Variants in ZGPAT observed in about 807,000 individuals in gnomAD.
The protein encoded by ZGPAT is zinc finger CCCH-type with G patch domain-containing protein.
Under a neutral mutation model 47.9 loss-of-function variants are expected in ZGPAT, and 39 were observed. That is an observed-to-expected ratio of 0.81 (90% confidence interval 0.63 to 1.06). ZGPAT has a LOEUF of 1.06. ZGPAT is among the 50% of genes least tolerant of loss of function. The pLI is 0.00. For synonymous variants in ZGPAT, 348 were observed against 292.9 expected (o/e 1.19, Z -1.92); for missense variants, 717 against 681.4 (o/e 1.05, Z -0.58).
chr20:63,716,082 T>C (rs1055963178), intron 2 of ZGPAT, among the ~76,000 whole-genome samples: 2 of 152,222 alleles, frequency 1.3e-5, no homozygotes, highest in African/African-American at 4.8e-5. Context: ...CAGGCTGGAG[T>C]GCAGTGGTGC....
rs749898178 is a variant in ZGPAT at position 63,709,102 on chromosome 20, C to G, written c.522C>G (p.His174Gln). 12 of 1,613,142 alleles carry G rather than the reference C, an allele frequency of 7.4e-6. No individual in the cohort carries two copies. The South Asian group carries it at 7.7e-5, about 10-fold the overall frequency. The change falls in exon 2 of 7, where the codon CAC becomes CAG. Residue 174 changes from histidine (H) to glutamine (Q), a missense_variant. By Grantham distance (24) the His-to-Gln change is conservative. Coordinates refer to ENST00000355969, the MANE Select transcript of ZGPAT (RefSeq NM_181485.3). ...GVRVLYLYPT[H>Q]KSLKPCPFFL... ...GTGTGCTTTACCTGTACCCCACTCA[C>G]AAGTCTCTGAAGCCGTGCCCGTTCT...
chr20:63,731,284 ATGTG>A (rs1232489677), intron 2 of ZGPAT, among the ~76,000 whole-genome samples: 1 of 145,106 alleles, frequency 6.9e-6, no homozygotes, highest in Non-Finnish European at 1.5e-5. Flanking sequence ...TGTGTGTGTG[ATGTG>A]TGTGAGACTG....
Position 63,734,839 on chromosome 20 carries a change from C to T in ZGPAT, c.991+15C>T. 1.3e-6 allele frequency: 2 copies of T among 1,564,460 alleles called. No individual in the cohort carries two copies. Among genetic ancestry groups the T allele is most frequent in the Non-Finnish European group, 1.7e-6 (2 of 1,153,422 alleles). The stretch of plus-strand genomic sequence containing the variant: ...GTTTGGCAAGGGTGAGTACAAGCTG[C>T]CCTGGAGAAGTGGGCAGGCTGCTGC... On this transcript the variant is annotated intron_variant, in intron 5 of 6. Transcript: ENST00000355969.
intron 2 of ZGPAT, among the ~76,000 whole-genome samples, chr20:63,732,892 A>G (rs1458156535): frequency 6.6e-6 from 1 of 150,822 alleles, no homozygotes; most frequent in African/African-American, 2.4e-5. Flanking sequence ...GTGTATGTGT[A>G]CGTGTGTATA....
rs375206481 is a variant in ZGPAT at position 63,735,569 on chromosome 20, G to A, written c.1397+5G>A. ...TCTCGCCCGCAACGCTGGCCGGTAC[G>A]TGTGGGGCCCAGCTCAGGGCAAAGG... On this transcript the variant is annotated splice_donor_5th_base_variant and intron_variant, in intron 6 of 6. Transcript: ENST00000355969. 21 of 1,513,744 alleles carry A rather than the reference G, an allele frequency of 1.4e-5. No individual in the cohort carries two copies. The highest frequency in any genetic ancestry group is 5.6e-5 in the African/African-American group (4 of 71,720). The allele number at this position is 1,513,744 out of a possible 1,614,324, so 93.8% of individuals were successfully genotyped here.
intron 4 of ZGPAT, 26 bp downstream of exon 4, chr20:63,733,765 G>A: frequency 6.3e-7 from 1 of 1,588,770 alleles, no homozygotes; most frequent in Non-Finnish European, 8.6e-7. Context: ...CGGAGCCCAG[G>A]AGCCAGGAAG....
intron 2 of ZGPAT, among the ~76,000 whole-genome samples, 176 bp from the exon 3 acceptor site, chr20:63,733,043 T>C (rs1249366593): frequency 6.6e-6 from 1 of 151,670 alleles, no homozygotes; most frequent in Admixed American, 6.6e-5. Flanking sequence ...TGCATGTGTG[T>C]GTGTATGTGT....
chr20:63,733,460 C>A, intron 3 of ZGPAT, 108 bp downstream of exon 3: 1 of 1,595,976 alleles, frequency 6.3e-7, no homozygotes, highest in Non-Finnish European at 8.6e-7. Flanking sequence ...GGGACTCTGG[C>A]TCTGGGCCCG....
intron 2 of ZGPAT, among the ~76,000 whole-genome samples, chr20:63,732,032 G>A (rs1303947803): frequency 2.6e-5 from 4 of 152,198 alleles, no homozygotes; most frequent in Admixed American, 6.5e-5. Context: ...AAGAGACTAC[G>A]TGTGTATGCA....
At chr20:63,732,773 TGC>T (rs371414913) in intron 2 of ZGPAT, among the ~76,000 whole-genome samples, 1,827 of 151,416 alleles carry the variant, frequency 0.012, 35 homozygotes, top group African/African-American at 0.042. Context: ...CGTATGTATA[TGC>T]GTGTGTGTAT....
intron 2 of ZGPAT, among the ~76,000 whole-genome samples, chr20:63,712,120 G>C (rs1439422646): frequency 6.6e-6 from 1 of 152,168 alleles, no homozygotes; most frequent in Non-Finnish European, 1.5e-5. Flanking sequence ...TTTCTTCTAA[G>C]AGTTCTGTAG....
At chr20:63,718,849 G>A (rs1383377466) in intron 2 of ZGPAT, among the ~76,000 whole-genome samples, 3 of 151,922 alleles carry the variant, frequency 2.0e-5, no homozygotes, top group Admixed American at 6.6e-5. Context: ...GGCAGATCAC[G>A]AGGTCAGGAG....
chr20:63,715,953 G>T (rs983375238), intron 2 of ZGPAT, among the ~76,000 whole-genome samples: 20 of 152,204 alleles, frequency 1.3e-4, no homozygotes, highest in African/African-American at 4.3e-4. Flanking sequence ...TATAACTGTA[G>T]TGAAAGTTTC....
chr20:63,708,440 C>T, intron 1 of ZGPAT, 113 bp from the exon 2 acceptor site: 1 of 733,846 alleles, frequency 1.4e-6, no homozygotes, highest in East Asian at 2.8e-5. Flanking sequence ...GGGAGCTGTG[C>T]CTCTGAGCCG....
At chr20:63,733,027 AGTGTGTGCATGT>A (rs2091937392) in intron 2 of ZGPAT, among the ~76,000 whole-genome samples, 180 bp from the exon 3 acceptor site, 1 of 141,302 alleles carries the variant, frequency 7.1e-6, no homozygotes, top group African/African-American at 2.7e-5. Context: ...TGTGTGCGTG[AGTGTGTGCATGT>A]GTGTGTGTAT....
chr20:63,732,969 T>C lies in ZGPAT; in HGVS notation c.585-250T>C, dbSNP rs772475338. ...GTATATATGTGTATGTGTGAGTGTATGTGTGCATGTGTATCTGTATGTGCG... is the reference window on the plus strand; with the variant it reads ...GTATATATGTGTATGTGTGAGTGTACGTGTGCATGTGTATCTGTATGTGCG... On this transcript the variant is annotated intron_variant, in intron 2 of 6. Transcript: ENST00000355969. Among the ~76,000 whole-genome samples, 31 of 151,892 alleles carry C rather than the reference T, an allele frequency of 2.0e-4. 1 individual carries two copies. The highest frequency in any genetic ancestry group is 2.8e-4 in the Non-Finnish European group (19 of 67,936).
chr20:63,732,625 G>A (rs368562620), intron 2 of ZGPAT, among the ~76,000 whole-genome samples: 2 of 151,030 alleles, frequency 1.3e-5, no homozygotes, highest in Middle Eastern at 3.4e-3. Context: ...CTGTGTATGT[G>A]TATGACGTGT....
intron 2 of ZGPAT, among the ~76,000 whole-genome samples, chr20:63,732,770 A>G (rs900191161): frequency 5.3e-5 from 8 of 149,918 alleles, no homozygotes; most frequent in Middle Eastern, 3.4e-3. Context: ...GTACGTATGT[A>G]TATGCGTGTG....
intron 2 of ZGPAT, among the ~76,000 whole-genome samples, chr20:63,715,839 G>T (rs62217799): frequency 0.74 from 112,355 of 151,054 alleles, 42,825 homozygotes; most frequent in African/African-American, 0.9. Flanking sequence ...TATATAGAGA[G>T]AGAGAGAGAG....
Sources: allele counts gnomAD v4.1 joint callset (sites outside exome capture counted in the v4.1 genomes callset), GRCh38; gene constraint gnomAD v4.1.1; transcripts MANE v1.5; gene names NCBI Gene and HGNC (gene_info 2026-07-23, HGNC 2026-07-21).